GCFC2: variants seen among roughly 807,000 people sequenced by gnomAD.
GCFC2 encodes the protein intron Large complex component GCFC2.
GCFC2 carries 102 observed loss-of-function variants against 99.4 expected under a neutral mutation model. That is an observed-to-expected ratio of 1.03 (90% CI 0.87 to 1.21). The LOEUF (loss-of-function observed/expected upper bound fraction) is 1.21. Among genes scored for constraint, GCFC2 ranks in the 50% most tolerant of loss-of-function variants. The pLI is 0.00. For missense variants in GCFC2, 973 were observed against 920.9 expected (o/e 1.06, Z -0.73); for synonymous variants, 338 against 316.8 (o/e 1.07, Z -0.71).
intron 15 of GCFC2, among the ~76,000 whole-genome samples, chr2:75,666,692 T>A (rs1678849769): frequency 1.4e-5 from 2 of 145,272 alleles, no homozygotes; most frequent in Non-Finnish European, 1.5e-5. Flanking sequence ...AACAGAAAAA[T>A]GTTAGAAAAA....
intron 12 of GCFC2, among the ~76,000 whole-genome samples, chr2:75,674,812 C>G (rs951413559): frequency 2.6e-5 from 4 of 152,104 alleles, no homozygotes; most frequent in African/African-American, 9.7e-5. Context: ...TCTCTTTCCA[C>G]TTAATTATCT....
intron 12 of GCFC2, chr2:75,679,986 A>G (rs1275432577): frequency 4.2e-6 from 2 of 473,476 alleles, no homozygotes; most frequent in East Asian, 6.2e-5. Context: ...TAAAGATAAA[A>G]AATAGCCAAG....
At chr2:75,674,228 T>C (rs1404791925) in intron 12 of GCFC2, among the ~76,000 whole-genome samples, 3 of 152,262 alleles carry the variant, frequency 2.0e-5, no homozygotes, top group Admixed American at 2.0e-4. Flanking sequence ...TATTACTGAT[T>C]TGTACAAGTC....
At chr2:75,712,219 G>A (rs1681216383), upstream of GCFC2, among the ~76,000 whole-genome samples, 1 of 115,670 alleles carries the variant, frequency 8.6e-6, no homozygotes, top group African/African-American at 2.6e-5. Context: ...GGGCCTTGGA[G>A]AACCTTTATG....
chr2:75,710,896 C>G lies in GCFC2; in HGVS notation c.-41G>C. Reference sequence around the variant, plus strand: ...GCCCGGCGCCCTAGAACCCGCTGAACCGCAAGCCGCAGCTTCAGTGCCCGC... The same window carrying G: ...GCCCGGCGCCCTAGAACCCGCTGAAGCGCAAGCCGCAGCTTCAGTGCCCGC... On this transcript the variant is annotated 5_prime_UTR_variant, in exon 1 of 17. Transcript: ENST00000321027. The G allele has an allele frequency of 6.8e-7, 1 of 1,476,694 alleles. No homozygotes were observed. Among genetic ancestry groups the G allele is most frequent in the East Asian group, 2.8e-5 (1 of 35,948 alleles). The allele number at this position is 1,476,694 out of a possible 1,614,324, so 91.5% of individuals were successfully genotyped here. A position where few individuals can be genotyped will look rare whatever the true frequency, so the allele number is the denominator to read the frequency against.
At chr2:75,680,759 C>G (rs1679539020) in intron 11 of GCFC2, among the ~76,000 whole-genome samples, 1 of 152,090 alleles carries the variant, frequency 6.6e-6, no homozygotes, top group Non-Finnish European at 1.5e-5. Context: ...ATGATTATTT[C>G]CTACTTTATT....
chr2:75,696,019 G>T (rs546867189), intron 5 of GCFC2, among the ~76,000 whole-genome samples, 181 bp downstream of exon 5: 22 of 151,966 alleles, frequency 1.4e-4, no homozygotes, highest in Admixed American at 2.6e-4. Flanking sequence ...ATGCAGATAT[G>T]GGGGGGACTA....
At position 75,694,311 on chromosome 2, in the gene GCFC2, G is replaced by T; in HGVS notation, c.950C>A (p.Ala317Asp). 7.6e-7 allele frequency: 1 copy of T among 1,315,640 alleles called. No homozygotes were observed. Among genetic ancestry groups the T allele is most frequent in the Non-Finnish European group, 1.1e-6 (1 of 928,620 alleles). 81.5% of individuals were successfully genotyped at this position (1,315,640 alleles called of 1,614,324 possible). A position where few individuals can be genotyped will look rare whatever the true frequency, so the allele number is the denominator to read the frequency against. The change falls in exon 6 of 17, where the codon GCT (alanine) becomes GAT (aspartate). Residue 317 changes from alanine to aspartate, a missense_variant. Physicochemically the swap from Ala to Asp is moderately radical, Grantham distance 126. Coordinates refer to ENST00000321027, the MANE Select transcript of GCFC2 (RefSeq NM_003203.5). The part of the protein sequence containing the change: ...IQNLESSSNQ[A>D]LNCKFYKSMK... Reference sequence around the variant, plus strand: ...GCTTTTATAGAATTTACAATTTAGAGCTTGATTTGATGAACTCTCTAGGTT... The same window carrying T: ...GCTTTTATAGAATTTACAATTTAGATCTTGATTTGATGAACTCTCTAGGTT...
Position 75,664,464 on chromosome 2 carries a change from C to G in GCFC2, c.*202G>C. 1 of 353,448 alleles carries G rather than the reference C, an allele frequency of 2.8e-6. No individual in the cohort carries two copies. The highest frequency in any genetic ancestry group is 4.7e-5 in the East Asian group (1 of 21,436). The allele number at this position is 353,448 out of a possible 1,614,324, so 21.9% of individuals were successfully genotyped here. A position where few individuals can be genotyped will look rare whatever the true frequency, so the allele number is the denominator to read the frequency against. ...TCTTAAAGCTCCAGTGCATTTAATT[C>G]CTTAGAACACCACAGAATCATGGCA... On this transcript the variant is annotated 3_prime_UTR_variant, in exon 17 of 17. Coordinates refer to ENST00000321027, the MANE Select transcript of GCFC2 (RefSeq NM_003203.5).
chr2:75,684,163 C>T (rs537522514), intron 11 of GCFC2, among the ~76,000 whole-genome samples: 2 of 152,270 alleles, frequency 1.3e-5, no homozygotes, highest in Admixed American at 6.5e-5. Context: ...CACCCCAAAT[C>T]GACAGAATAT....
At chr2:75,681,516 C>T (rs1263334219) in intron 11 of GCFC2, among the ~76,000 whole-genome samples, 1 of 151,858 alleles carries the variant, frequency 6.6e-6, no homozygotes, top group South Asian at 2.1e-4. Flanking sequence ...TTTGGGCAGA[C>T]ATCAAACTAG....
rs556017611 is a variant in GCFC2 at position 75,685,983 on chromosome 2, A to C, written c.1690+1844T>G. Among the ~76,000 whole-genome samples the C allele has an allele frequency of 7.5e-4, 114 of 152,332 alleles. 1 individual carries two copies. The highest frequency in any genetic ancestry group is 2.6e-3 in the African/African-American group (110 of 41,588). ...TTCCTCTCTTTCTCTCTTGCTGCAC[A>C]ACCAATCCATTAGCACATTCTGTTA... is the stretch of plus-strand genomic sequence containing the variant. On this transcript the variant is annotated intron_variant, in intron 11 of 16. Coordinates refer to ENST00000321027, the MANE Select transcript of GCFC2 (RefSeq NM_003203.5).
chr2:75,689,873 T>A, intron 9 of GCFC2, 96 bp downstream of exon 9: 1 of 677,562 alleles, frequency 1.5e-6, no homozygotes, highest in East Asian at 2.9e-5. Context: ...CCAACTGTTT[T>A]ATATAGCTTA....
chr2:75,693,241 C>A (rs1680167841), intron 6 of GCFC2, among the ~76,000 whole-genome samples: 1 of 152,102 alleles, frequency 6.6e-6, no homozygotes, highest in African/African-American at 2.4e-5. Context: ...GAGTTCCAGA[C>A]CAGCTTGGGC....
At position 75,710,783 on chromosome 2, in the gene GCFC2, A is replaced by C; in HGVS notation, c.73T>G (p.Ser25Ala). The change falls in exon 1 of 17, where the codon TCG (serine) becomes GCG (alanine). Residue 25 changes from serine (S) to alanine (A), a missense_variant. Transcript: ENST00000321027. Reference sequence around the variant, plus strand: ...CTCGGCGCCCCAGGCTCAGCAGGCGACTCCTCGGCGCCATCGCTGTCGCTG... The same window carrying C: ...CTCGGCGCCCCAGGCTCAGCAGGCGCCTCCTCGGCGCCATCGCTGTCGCTG... ...DSSDSDGAEE[S>A]PAEPGAPREL... 1 of 1,574,368 alleles carries C rather than the reference A, an allele frequency of 6.4e-7. No homozygotes were observed. Among genetic ancestry groups the C allele is most frequent in the Non-Finnish European group, 8.6e-7 (1 of 1,165,738 alleles).
intron 4 of GCFC2, among the ~76,000 whole-genome samples, 179 bp downstream of exon 4, chr2:75,701,011 C>A (rs373654005): frequency 5.3e-5 from 8 of 152,114 alleles, no homozygotes; most frequent in African/African-American, 1.7e-4. Context: ...GAAGAATTAC[C>A]GCTCCCCACA....
At position 75,690,388 on chromosome 2, in the gene GCFC2, G is replaced by A. The variant is rs1680013127; in HGVS notation, c.1226+250C>T. Reference sequence around the variant, plus strand: ...GAGGGGGTAATTATAATTAGGACCGGTTTCTAGTTACAAGGAATTCCCAGC... The same window carrying A: ...GAGGGGGTAATTATAATTAGGACCGATTTCTAGTTACAAGGAATTCCCAGC... On this transcript the variant is annotated intron_variant, in intron 8 of 16. Transcript: ENST00000321027. 1.6e-5 allele frequency: 8 copies of A among 506,656 alleles called. No homozygotes were observed. The South Asian group carries it at 1.6e-4, about 10-fold the overall frequency. The allele number at this position is 506,656 out of a possible 1,614,324, so 31.4% of individuals were successfully genotyped here. A position where few individuals can be genotyped will look rare whatever the true frequency, so the allele number is the denominator to read the frequency against.
rs73939105 is a variant in GCFC2, at chr2:75,700,306, A to G, written c.717+884T>C. On this transcript the variant is annotated intron_variant, in intron 4 of 16. Coordinates refer to ENST00000321027, the MANE Select transcript of GCFC2 (RefSeq NM_003203.5). The stretch of plus-strand genomic sequence containing the variant: ...TTATTTGTGTATGCAGAAATGTAAC[A>G]GTTACATATCATAATATAGGTATAA... Among the ~76,000 whole-genome samples, 1,059 of 152,362 alleles carry G rather than the reference A, an allele frequency of 7.0e-3. 8 individuals are homozygous for G. Among genetic ancestry groups the G allele is most frequent in the African/African-American group, 0.024 (1,011 of 41,578 alleles).
chr2:75,702,028 T>A (rs900327064), intron 3 of GCFC2, 171 bp downstream of exon 3: 24 of 1,413,360 alleles, frequency 1.7e-5, no homozygotes, highest in Non-Finnish European at 1.8e-5. Flanking sequence ...TAATAACATT[T>A]TGATACAGAT....
Sources: allele counts gnomAD v4.1 joint callset (sites outside exome capture counted in the v4.1 genomes callset), GRCh38; gene constraint gnomAD v4.1.1; transcripts MANE v1.5; gene names NCBI Gene and HGNC (gene_info 2026-07-23, HGNC 2026-07-21).